CHD1: variants seen among roughly 807,000 people sequenced by gnomAD.
CHD1 encodes ATP-dependent chromatin remodeler CHD1.
In CHD1, 36 loss-of-function variants were observed where a neutral mutation model predicts 224.2. The observed-to-expected ratio is 0.16, with a 90% confidence interval of 0.12 to 0.21. The LOEUF is 0.21. Ranked by LOEUF, CHD1 falls within the 10% of genes least tolerant of loss-of-function variation. The pLI, the probability that CHD1 is intolerant of heterozygous loss-of-function variation, is 1.00. For missense variants in CHD1, 1,378 were observed against 1,994.8 expected, an observed-to-expected ratio of 0.69 and a Z score of 5.89; for synonymous variants, 668 against 658.3, an observed-to-expected ratio of 1.01 and a Z score of -0.23.
intron 2 of CHD1, among the ~76,000 whole-genome samples, chr5:98,919,293 T>C (rs561699957): frequency 6.6e-6 from 1 of 152,318 alleles, no homozygotes; most frequent in South Asian, 2.1e-4. Flanking sequence ...TAAGCATTAA[T>C]ATATGCAAAT....
At chr5:98,858,439 A>C (rs1748209240) in intron 34 of CHD1, 49 bp from the exon 35 acceptor site, 1 of 1,456,682 alleles carries the variant, frequency 6.9e-7, no homozygotes, top group Non-Finnish European at 9.5e-7. Flanking sequence ...ATAATGTGGC[A>C]AAAAAAACTT....
intron 35 of CHD1, among the ~76,000 whole-genome samples, chr5:98,857,213 G>C (rs1450933706): frequency 6.6e-6 from 1 of 152,102 alleles, no homozygotes; most frequent in African/African-American, 2.4e-5. Context: ...TAGTTATATA[G>C]TAAGACTCGA....
At chr5:98,867,939 A>G (rs1749021648) in intron 31 of CHD1, among the ~76,000 whole-genome samples, 1 of 151,544 alleles carries the variant, frequency 6.6e-6, no homozygotes, top group Non-Finnish European at 1.5e-5. Context: ...AGTAGCTGAG[A>G]TTACAGGTGC....
At chr5:98,883,719 T>G (rs1750369014) in intron 18 of CHD1, 1 of 159,622 alleles carries the variant, frequency 6.3e-6, no homozygotes, top group African/African-American at 2.4e-5. Flanking sequence ...CGCCCATCAA[T>G]CAACAAGAAG....
intron 31 of CHD1, 110 bp from the exon 32 acceptor site, chr5:98,863,696 G>T: frequency 1.5e-6 from 1 of 660,720 alleles, no homozygotes; most frequent in Non-Finnish European, 2.4e-6. Context: ...AACACTGTTT[G>T]ATAGCAAAAT....
chr5:98,926,119 T>C (rs931790254), intron 2 of CHD1, among the ~76,000 whole-genome samples: 3 of 152,244 alleles, frequency 2.0e-5, no homozygotes, highest in African/African-American at 7.2e-5. Flanking sequence ...ATATTTAAGA[T>C]CTACTGTGTA....
intron 4 of CHD1, 130 bp downstream of exon 4, chr5:98,903,662 T>A (rs1751866234): frequency 1.3e-6 from 1 of 750,166 alleles, no homozygotes; most frequent in East Asian, 2.6e-5. Context: ...AGATTCTTGA[T>A]ATATACACTT....
rs1258621574 is a variant in CHD1 at position 98,854,648 on chromosome 5, T to C, written c.*1732A>G. 1 of 151,894 alleles carries C rather than the reference T, an allele frequency of 6.6e-6. No individual in the cohort carries two copies. The highest frequency in any genetic ancestry group is 1.5e-5 in the Non-Finnish European group (1 of 67,934). 9.4% of individuals were successfully genotyped at this position (151,894 alleles called of 1,614,324 possible). A position where few individuals can be genotyped will look rare whatever the true frequency, so the allele number is the denominator to read the frequency against. On this transcript the variant is annotated 3_prime_UTR_variant, in exon 36 of 36. Coordinates refer to ENST00000614616, the MANE Select transcript of CHD1 (RefSeq NM_001270.4). Reference sequence around the variant, plus strand: ...AGGGTAACTGTATCAGAAAGAGAAATTACTGCAAAAAACAAAACAAAAAGC... The same window carrying C: ...AGGGTAACTGTATCAGAAAGAGAAACTACTGCAAAAAACAAAACAAAAAGC...
At chr5:98,881,746 G>T (rs1456829536) in intron 20 of CHD1, among the ~76,000 whole-genome samples, 1 of 152,004 alleles carries the variant, frequency 6.6e-6, no homozygotes, top group Admixed American at 6.6e-5. Flanking sequence ...TTAAAATAAG[G>T]AACTTGAAGC....
intron 2 of CHD1, among the ~76,000 whole-genome samples, chr5:98,918,769 CA>C (rs377628623): frequency 0.27 from 36,189 of 134,374 alleles, 5,000 homozygotes; most frequent in Middle Eastern, 0.34. Flanking sequence ...AAAAAAAAAA[CA>C]AAAAAAAAAA....
Position 98,871,933 on chromosome 5 carries a change from C to A in CHD1, c.3861+118G>T. The A allele has an allele frequency of 3.5e-6, 3 of 850,840 alleles. No individual in the cohort carries two copies. The East Asian group carries it at 7.9e-5, about 22-fold the overall frequency. 52.7% of individuals were successfully genotyped at this position (850,840 alleles called of 1,614,324 possible). On this transcript the variant is annotated intron_variant, in intron 28 of 35. Coordinates refer to ENST00000614616, the MANE Select transcript of CHD1 (RefSeq NM_001270.4). The stretch of plus-strand genomic sequence containing the variant: ...ATCTTCTAAACGCACCAAGGTCACA[C>A]AACCAGCTAGTGCCTTGGTTTCCAG...
chr5:98,873,532 T>G (rs1749522749), intron 26 of CHD1, 61 bp downstream of exon 26: 1 of 1,311,580 alleles, frequency 7.6e-7, no homozygotes, highest in African/African-American at 1.5e-5. Flanking sequence ...TCTAGCTCAA[T>G]AAAGCATATT....
At chr5:98,872,231 G>C (rs1749403173) in intron 27 of CHD1, 30 bp from the exon 28 acceptor site, 1 of 1,582,788 alleles carries the variant, frequency 6.3e-7, no homozygotes, top group Non-Finnish European at 8.6e-7. Flanking sequence ...CTAATGATAA[G>C]TTTGTAATTG....
chr5:98,900,367 A>G (rs1307396702), intron 7 of CHD1, among the ~76,000 whole-genome samples: 7 of 152,024 alleles, frequency 4.6e-5, no homozygotes, highest in Non-Finnish European at 7.4e-5. Context: ...TTTATAAAAC[A>G]TAAGTAAAAC....
Position 98,898,450 on chromosome 5 carries a change from G to A in CHD1, c.1187-16C>T, listed in dbSNP as rs1375239386. 1.3e-6 allele frequency: 2 copies of A among 1,527,638 alleles called. No individual in the cohort carries two copies. The highest frequency in any genetic ancestry group is 1.4e-5 in the African/African-American group (1 of 70,900). 94.6% of individuals were successfully genotyped at this position (1,527,638 alleles called of 1,614,324 possible). Reference sequence around the variant, plus strand: ...TTGGAATGAGCTGTGAGAGAATCAGGCATTTACTTATTTATTTATTTTTTT... The same window carrying A: ...TTGGAATGAGCTGTGAGAGAATCAGACATTTACTTATTTATTTATTTTTTT... On this transcript the variant is annotated splice_polypyrimidine_tract_variant and intron_variant, in intron 9 of 35. Transcript: ENST00000614616.
At chr5:98,911,149 ATATATATATATAT>A (rs1752388485) in intron 2 of CHD1, among the ~76,000 whole-genome samples, 1 of 77,872 alleles carries the variant, frequency 1.3e-5, no homozygotes, top group African/African-American at 6.1e-5. Context: ...AAAAAAAAAT[ATATATATATATAT>A]ATATATATAT....
intron 15 of CHD1, among the ~76,000 whole-genome samples, chr5:98,890,812 A>G (rs1432087911): frequency 6.6e-6 from 1 of 152,210 alleles, no homozygotes; most frequent in Non-Finnish European, 1.5e-5. Flanking sequence ...AGTACTATGC[A>G]AAATCTAGAT....
At chr5:98,914,649 C>T (rs542238623) in intron 2 of CHD1, among the ~76,000 whole-genome samples, 68 of 152,286 alleles carry the variant, frequency 4.5e-4, no homozygotes, top group African/African-American at 1.5e-3. Context: ...AATTCAGCAA[C>T]GGTATCTTTC....
intron 16 of CHD1, 130 bp from the exon 17 acceptor site, chr5:98,888,370 C>T (rs1011732644): frequency 2.7e-6 from 2 of 730,840 alleles, no homozygotes; most frequent in Non-Finnish European, 4.2e-6. Flanking sequence ...ACTTATTTCA[C>T]TTTTCAAAAT....
Sources: allele counts gnomAD v4.1 joint callset (sites outside exome capture counted in the v4.1 genomes callset), GRCh38; gene constraint gnomAD v4.1.1; transcripts MANE v1.5; gene names NCBI Gene and HGNC (gene_info 2026-07-23, HGNC 2026-07-21).